The following GABRB3 variants were observed in gnomAD, a reference collection of about 807,000 sequenced individuals.
GABRB3 encodes gamma-aminobutyric acid type A receptor subunit beta3.
GABRB3 carries 14 observed loss-of-function variants against 52.1 expected under a neutral mutation model. That is an observed-to-expected ratio of 0.27 (90% CI 0.18 to 0.42). GABRB3 has a LOEUF of 0.42. Among genes scored for constraint, GABRB3 ranks in the 10% least tolerant of loss-of-function variants. GABRB3 has a pLI of 1.00. For missense variants in GABRB3, 307 were observed against 609.1 expected (o/e 0.50, Z 5.22); for synonymous variants, 260 against 232.3 (o/e 1.12, Z -1.08).
chr15:26,704,956 G>A (rs1566812598), intron 3 of GABRB3, among the ~76,000 whole-genome samples: 2 of 152,038 alleles, frequency 1.3e-5, no homozygotes, highest in South Asian at 2.1e-4. Flanking sequence ...TTTTTCCAGC[G>A]TTCACTTCAG....
chr15:26,565,642 G>A (rs753208073), intron 7 of GABRB3, among the ~76,000 whole-genome samples: 3 of 152,022 alleles, frequency 2.0e-5, no homozygotes, highest in African/African-American at 7.2e-5. Flanking sequence ...ACTCACTTCC[G>A]GGGTATTAAC....
At position 26,642,618 on chromosome 15, in the gene GABRB3, C is replaced by T. The variant is rs182663989; in HGVS notation, c.241-21084G>A. The T allele has an allele frequency of 7.6e-6, 5 of 657,932 alleles. No individual in the cohort carries two copies. In the Admixed American group the frequency reaches 1.2e-4, roughly 16 times the overall value. The allele number at this position is 657,932 out of a possible 1,614,324, so 40.8% of individuals were successfully genotyped here. ...AGTGCTATCCTACACATAATCCCCC[C>T]TCCTCTCTACCTGCATATATAAGCA... On this transcript the variant is annotated intron_variant, in intron 3 of 8. Transcript: ENST00000311550.
chr15:26,562,071 A>G (rs1488442016), intron 7 of GABRB3, among the ~76,000 whole-genome samples: 2 of 152,152 alleles, frequency 1.3e-5, no homozygotes, highest in Non-Finnish European at 2.9e-5. Flanking sequence ...TCTCCCTCCC[A>G]TAGCAATAGA....
At chr15:26,727,353 C>T (rs968483399) in intron 3 of GABRB3, among the ~76,000 whole-genome samples, 1 of 152,076 alleles carries the variant, frequency 6.6e-6, no homozygotes, top group Admixed American at 6.5e-5. Flanking sequence ...TCAGTGTGGA[C>T]TCATGGATAG....
chr15:26,547,375 CTT>C lies in GABRB3; in HGVS notation c.*416_*417del. 2.4e-6 allele frequency: 1 copy of C among 413,532 alleles called. No individual in the cohort carries two copies. The highest frequency in any genetic ancestry group is 4.0e-5 in the Admixed American group (1 of 25,142). 25.6% of individuals were successfully genotyped at this position (413,532 alleles called of 1,614,324 possible). On this transcript the variant is annotated 3_prime_UTR_variant, in exon 9 of 9. Transcript: ENST00000311550. Reference sequence around the variant, plus strand: ...CTGATTTTTAAACTAAAACATCTAACTTATGATAATACAAGACACATTTGGGG... The same window carrying C: ...CTGATTTTTAAACTAAAACATCTAACATGATAATACAAGACACATTTGGGG...
intron 3 of GABRB3, among the ~76,000 whole-genome samples, chr15:26,742,924 CTTTTTTT>C (rs779891729): frequency 4.1e-5 from 2 of 48,832 alleles, no homozygotes; most frequent in Non-Finnish European, 9.1e-5. Flanking sequence ...ATTAGAGATT[CTTTTTTT>C]TTTTTTTTTT....
chr15:26,766,679 G>C (rs1464778932), intron 3 of GABRB3, among the ~76,000 whole-genome samples: 1 of 151,622 alleles, frequency 6.6e-6, no homozygotes, highest in African/African-American at 2.4e-5. Context: ...GTCAAAGACA[G>C]ACACCAGTCC....
intron 4 of GABRB3, among the ~76,000 whole-genome samples, chr15:26,619,794 G>A (rs2140533372): frequency 6.6e-6 from 1 of 151,454 alleles, no homozygotes; most frequent in South Asian, 2.1e-4. Flanking sequence ...TTGCTTTTTT[G>A]CTCTTCCCCA....
At chr15:26,615,896 A>G in intron 4 of GABRB3, 1 of 1,269,520 alleles carries the variant, frequency 7.9e-7, no homozygotes, top group Non-Finnish European at 1.0e-6. Flanking sequence ...TCAAGCACAT[A>G]ATCAGTAGGA....
chr15:26,572,055 A>G (rs1006381536), intron 6 of GABRB3, among the ~76,000 whole-genome samples: 1 of 148,944 alleles, frequency 6.7e-6, no homozygotes, highest in African/African-American at 2.6e-5. Context: ...AAGAAAAAAA[A>G]AAAAAAAAAA....
intron 3 of GABRB3, among the ~76,000 whole-genome samples, chr15:26,637,840 C>T (rs1893098222): frequency 6.6e-6 from 1 of 152,086 alleles, no homozygotes. Flanking sequence ...CCTTTGATTG[C>T]ACCAGCTCTA....
Position 26,618,111 on chromosome 15 carries a change from A to G in GABRB3, c.461+3203T>C, listed in dbSNP as rs1236888973. 1.1e-4 allele frequency among the ~76,000 whole-genome samples: 16 copies of G among 152,276 alleles called. No homozygotes were observed. In the East Asian group the frequency reaches 1.9e-3, roughly 18 times the overall value. On this transcript the variant is annotated intron_variant, in intron 4 of 8. Coordinates refer to ENST00000311550, the MANE Select transcript of GABRB3 (RefSeq NM_000814.6). The stretch of plus-strand genomic sequence containing the variant: ...CTGCCCAAGGTAATTTATAGATTCA[A>G]TGCCATCCCCATCAAGCTACCAATG...
chr15:26,746,926 G>A (rs977156914), intron 3 of GABRB3, among the ~76,000 whole-genome samples: 8 of 152,052 alleles, frequency 5.3e-5, no homozygotes, highest in Non-Finnish European at 8.8e-5. Flanking sequence ...GGCGGAACTT[G>A]CAGTGAGCAG....
intron 3 of GABRB3, among the ~76,000 whole-genome samples, chr15:26,674,641 G>A (rs1888012520): frequency 6.6e-6 from 1 of 152,066 alleles, no homozygotes; most frequent in East Asian, 1.9e-4. Flanking sequence ...GATCTATGAG[G>A]AAAAACAGAG....
intron 3 of GABRB3, among the ~76,000 whole-genome samples, chr15:26,676,934 C>A (rs1000023925): frequency 6.6e-6 from 1 of 152,026 alleles, no homozygotes; most frequent in African/African-American, 2.4e-5. Context: ...TCTATTTTAG[C>A]AATAATATTA....
At chr15:26,555,524 T>C (rs1183945314) in intron 8 of GABRB3, among the ~76,000 whole-genome samples, 1 of 152,162 alleles carries the variant, frequency 6.6e-6, no homozygotes, top group African/African-American at 2.4e-5. Flanking sequence ...GCCCTTGAAC[T>C]CTAGTGAAGG....
At chr15:26,552,596 A>T (rs1889518249) in intron 8 of GABRB3, among the ~76,000 whole-genome samples, 1 of 152,158 alleles carries the variant, frequency 6.6e-6, no homozygotes, top group South Asian at 2.1e-4. Context: ...GTAGTCATTC[A>T]CTATCCCTAA....
At chr15:26,600,299 A>AG (rs968892021) in intron 4 of GABRB3, among the ~76,000 whole-genome samples, 1 of 152,160 alleles carries the variant, frequency 6.6e-6, no homozygotes, top group African/African-American at 2.4e-5. Context: ...GAAGTAGAAG[A>AG]GAAAAAAAAG....
chr15:26,666,579 C>T (rs538378390), intron 3 of GABRB3: 5 of 152,302 alleles, frequency 3.3e-5, no homozygotes, highest in East Asian at 1.9e-4. Flanking sequence ...GCCTGACAGT[C>T]GTTACTTGTA....
Sources: gnomAD v4.1 joint callset for allele counts (sites outside exome capture counted in the v4.1 genomes callset) on GRCh38, gnomAD v4.1.1 for gene constraint, MANE v1.5 for transcripts, NCBI Gene and HGNC (gene_info 2026-07-23, HGNC 2026-07-21) for gene names.